MYO3A: variants seen among roughly 807,000 people sequenced by gnomAD.
MYO3A encodes the protein myosin-IIIa.
MYO3A carries 180 observed loss-of-function variants against 192.7 expected under a neutral mutation model. The ratio of observed to expected loss-of-function variants is 0.93; its 90% CI spans 0.83 to 1.06. MYO3A has a LOEUF of 1.06. Among genes scored for constraint, MYO3A ranks in the 50% least tolerant of loss-of-function variants. The probability of loss-of-function intolerance (pLI) is 0.00; values close to 1 mark genes in which losing one functional copy is unlikely to be tolerated. For synonymous variants in MYO3A, 628 were observed against 645.3 expected (o/e 0.97, Z 0.41); for missense variants, 1,896 against 1,905.0 (o/e 1.00, Z 0.09).
intron 31 of MYO3A, among the ~76,000 whole-genome samples, chr10:26,179,027 C>T (rs913865626): frequency 2.7e-5 from 4 of 150,698 alleles, no homozygotes; most frequent in East Asian, 2.0e-4. Context: ...GGTCTCGATC[C>T]GACCCTGTGA....
chr10:26,211,859 A>G lies in MYO3A; in HGVS notation c.4747A>G (p.Ser1583Gly), dbSNP rs1340137250. Residue 1583 changes from serine to glycine, a missense_variant, in exon 35 of 35, where the codon AGC becomes GGC. Ser to Gly is a moderately conservative substitution (Grantham distance 56, BLOSUM62 0). Coordinates refer to ENST00000642920, the MANE Select transcript of MYO3A (RefSeq NM_017433.5). ...CACTTGCAGGTGCTGGGCGGCGGAGAGCCCCGAGAAGGAGGAGGAGAGAGA... is the reference window on the plus strand; with the variant it reads ...CACTTGCAGGTGCTGGGCGGCGGAGGGCCCCGAGAAGGAGGAGGAGAGAGA... Reference protein sequence around the residue: ...KANERCWAAESPEKEEEREPA... With the variant: ...KANERCWAAEGPEKEEEREPA... 1 of 1,613,834 alleles carries G rather than the reference A, an allele frequency of 6.2e-7. No homozygotes were observed. The highest frequency in any genetic ancestry group is 8.5e-7 in the Non-Finnish European group (1 of 1,180,000).
chr10:25,974,308 A>G (rs989809564), intron 4 of MYO3A, among the ~76,000 whole-genome samples: 6 of 152,230 alleles, frequency 3.9e-5, no homozygotes, highest in Non-Finnish European at 8.8e-5. Context: ...TAAAAGGTAT[A>G]AATTCAAAAA....
At chr10:26,107,624 G>T (rs1003050821) in intron 17 of MYO3A, among the ~76,000 whole-genome samples, 1 of 149,734 alleles carries the variant, frequency 6.7e-6, no homozygotes, top group African/African-American at 2.5e-5. Flanking sequence ...CAGGTTATTT[G>T]TATTTTGCTA....
At chr10:25,963,308 A>G (rs1838056100) in intron 4 of MYO3A, among the ~76,000 whole-genome samples, 1 of 152,230 alleles carries the variant, frequency 6.6e-6, no homozygotes, top group African/African-American at 2.4e-5. Context: ...ATAGACATAA[A>G]TACTACTTTC....
At chr10:26,081,137 C>CCCG (rs1564529047) in intron 14 of MYO3A, among the ~76,000 whole-genome samples, 1 of 104,844 alleles carries the variant, frequency 9.5e-6, no homozygotes, top group Non-Finnish European at 2.5e-5. Flanking sequence ...TGCCCTTCCC[C>CCCG]CCCCCCCCGC....
chr10:26,135,287 C>T (rs1239354863), intron 20 of MYO3A, among the ~76,000 whole-genome samples: 2 of 151,860 alleles, frequency 1.3e-5, no homozygotes, highest in East Asian at 1.9e-4. Context: ...TAGATAAGAG[C>T]ACCTTTTTCT....
intron 29 of MYO3A, among the ~76,000 whole-genome samples, chr10:26,170,949 A>T (rs890711696): frequency 1.3e-5 from 2 of 152,150 alleles, no homozygotes; most frequent in Non-Finnish European, 2.9e-5. Flanking sequence ...TCATGTCTGT[A>T]CTTCCAAGTG....
At chr10:25,967,528 A>G (rs569497232) in intron 4 of MYO3A, among the ~76,000 whole-genome samples, 1 of 152,234 alleles carries the variant, frequency 6.6e-6, no homozygotes, top group South Asian at 2.1e-4. Flanking sequence ...CTACAATTCA[A>G]TAATGTAACA....
chr10:26,006,915 A>G (rs1841258439), intron 6 of MYO3A, among the ~76,000 whole-genome samples: 1 of 150,958 alleles, frequency 6.6e-6, no homozygotes, highest in African/African-American at 2.5e-5. Flanking sequence ...AAAGCCAGGC[A>G]GAGACACAAC....
intron 32 of MYO3A, among the ~76,000 whole-genome samples, chr10:26,195,191 A>G (rs1306564575): frequency 6.6e-6 from 1 of 152,112 alleles, no homozygotes; most frequent in Non-Finnish European, 1.5e-5. Flanking sequence ...CACACAATAT[A>G]TGGTCTTTTG....
intron 8 of MYO3A, chr10:26,021,908 C>T: frequency 2.1e-6 from 1 of 465,956 alleles, no homozygotes. Context: ...CAGAAAATAG[C>T]AGTTCCTCCC....
At chr10:26,204,721 T>C (rs1377124803) in intron 34 of MYO3A, among the ~76,000 whole-genome samples, 4 of 152,196 alleles carry the variant, frequency 2.6e-5, no homozygotes, top group Non-Finnish European at 5.9e-5. Context: ...AGTATTTCCA[T>C]CCTATGCAAA....
In MYO3A at chr10:26,096,669, G is replaced by A; in HGVS notation, c.1763G>A (p.Gly588Asp). The change falls in exon 17 of 35, where the codon GGT becomes GAT. Residue 588 changes from glycine (G) to aspartate (D), a missense_variant. Transcript: ENST00000642920. ...ELIEQCFKVIGFTMEQLGSIY... is the reference protein window; with the variant it reads ...ELIEQCFKVIDFTMEQLGSIY... ...ATTGAGCAATGTTTCAAAGTCATAG[G>A]TTTTACAATGGAGGTAAGTATGAAA... 1 of 1,571,794 alleles carries A rather than the reference G, an allele frequency of 6.4e-7. No individual in the cohort carries two copies. Among genetic ancestry groups the A allele is most frequent in the Non-Finnish European group, 8.8e-7 (1 of 1,141,664 alleles).
At chr10:26,171,833 A>C (rs1842061016) in intron 29 of MYO3A, among the ~76,000 whole-genome samples, 1 of 152,306 alleles carries the variant, frequency 6.6e-6, no homozygotes, top group South Asian at 2.1e-4. Context: ...TACTTCTAGA[A>C]ATTACTGCTT....
At chr10:25,939,353 G>A (rs912661472) in intron 2 of MYO3A, among the ~76,000 whole-genome samples, 1 of 151,434 alleles carries the variant, frequency 6.6e-6, no homozygotes. Flanking sequence ...TTCCTGTAAT[G>A]TTTTTCTTTA....
chr10:26,193,368 G>T, intron 32 of MYO3A, 57 bp downstream of exon 32: 1 of 1,366,848 alleles, frequency 7.3e-7, no homozygotes, highest in Non-Finnish European at 1.0e-6. Flanking sequence ...AATGGCCAGT[G>T]TGAAAACTGT....
chr10:26,151,935 G>A (rs1840811986), intron 23 of MYO3A, among the ~76,000 whole-genome samples: 1 of 152,212 alleles, frequency 6.6e-6, no homozygotes, highest in South Asian at 2.1e-4. Context: ...TGTTTGAGGT[G>A]CGAAGGTTAA....
In MYO3A at chr10:26,096,400, A is replaced by G. The variant is rs1837036604; in HGVS notation, c.1582A>G (p.Ile528Val). Residue 528 changes from isoleucine to valine, a missense_variant, in exon 16 of 35, where the codon ATT becomes GTT. By Grantham distance (29) the Ile-to-Val change is conservative. Coordinates refer to ENST00000642920, the MANE Select transcript of MYO3A (RefSeq NM_017433.5). ...TTCCAGTGGAGAAAAAAATTTTCAT[A>G]TTTTTTACTACATTTATGCTGGTTT... is the stretch of plus-strand genomic sequence containing the variant. Reference protein sequence around the residue: ...HQAIGEKNFHIFYYIYAGLAE... With the variant: ...HQAIGEKNFHVFYYIYAGLAE... The G allele has an allele frequency of 8.1e-6, 13 of 1,612,184 alleles. No individual in the cohort carries two copies. In the East Asian group the frequency reaches 2.9e-4, roughly 36 times the overall value.
At chr10:26,076,513 A>G (rs1033743431) in intron 14 of MYO3A, among the ~76,000 whole-genome samples, 1 of 151,850 alleles carries the variant, frequency 6.6e-6, no homozygotes, top group African/African-American at 2.4e-5. Context: ...AATTAGGTCC[A>G]AGTTATTTAT....
Sources: gnomAD v4.1 joint callset for allele counts (sites outside exome capture counted in the v4.1 genomes callset) on GRCh38, gnomAD v4.1.1 for gene constraint, MANE v1.5 for transcripts, NCBI Gene and HGNC (gene_info 2026-07-23, HGNC 2026-07-21) for gene names.